The following HIVEP3 variants were observed in gnomAD, a reference collection of about 807,000 sequenced individuals.
HIVEP3 encodes HIVEP zinc finger 3.
In HIVEP3, 49 loss-of-function variants were observed where a neutral mutation model predicts 152.8. That is an observed-to-expected ratio of 0.32 (90% CI 0.26 to 0.41). The LOEUF (loss-of-function observed/expected upper bound fraction) is 0.41. HIVEP3 is among the 10% of genes least tolerant of loss of function. The probability of loss-of-function intolerance (pLI) is 1.00; values close to 1 mark genes in which losing one functional copy is unlikely to be tolerated. For synonymous variants in HIVEP3, 1,269 were observed against 1,289.0 expected (o/e 0.98, Z 0.33); for missense variants, 2,790 against 3,103.3 (o/e 0.90, Z 2.40).
chr1:41,715,159 G>T (rs1051070356), intron 1 of HIVEP3, among the ~76,000 whole-genome samples: 2 of 152,216 alleles, frequency 1.3e-5, no homozygotes, highest in African/African-American at 4.8e-5. Flanking sequence ...CTCTCAAACA[G>T]ATGGCCCCCA....
intron 1 of HIVEP3, among the ~76,000 whole-genome samples, chr1:41,876,508 A>G (rs1401461561): frequency 2.0e-5 from 3 of 152,212 alleles, no homozygotes; most frequent in Non-Finnish European, 4.4e-5. Flanking sequence ...TTGTAAAGTT[A>G]ATAAAACAGT....
intron 1 of HIVEP3, among the ~76,000 whole-genome samples, chr1:41,927,345 G>C (rs1644973171): frequency 1.3e-5 from 2 of 152,256 alleles, no homozygotes; most frequent in South Asian, 4.1e-4. Flanking sequence ...TGTGTTTTGG[G>C]GGTGGGGTGG....
At chr1:41,605,373 GCGCACACA>G (rs1251350346) in intron 3 of HIVEP3, among the ~76,000 whole-genome samples, 33 of 106,800 alleles carry the variant, frequency 3.1e-4, no homozygotes, top group Admixed American at 1.1e-3. Flanking sequence ...ACACGCACAC[GCGCACACA>G]CACACACACA....
chr1:41,586,214 G>T (rs922363946), intron 3 of HIVEP3, among the ~76,000 whole-genome samples: 1 of 152,188 alleles, frequency 6.6e-6, no homozygotes, highest in African/African-American at 2.4e-5. Context: ...CCCCAAGTGT[G>T]TGCCTCCTCC....
At chr1:41,609,348 C>G (rs932281463) in intron 3 of HIVEP3, among the ~76,000 whole-genome samples, 1 of 152,252 alleles carries the variant, frequency 6.6e-6, no homozygotes, top group Non-Finnish European at 1.5e-5. Context: ...AGGGTAGGAA[C>G]AGCCAGCCCT....
At chr1:42,027,770 G>C in intron 1 of HIVEP3, among the ~76,000 whole-genome samples, 1 of 152,166 alleles carries the variant, frequency 6.6e-6, no homozygotes, top group Non-Finnish European at 1.5e-5. Context: ...CTTCTTACAT[G>C]GCGGTGGCAA....
chr1:41,530,090 C>T (rs1041488836), intron 5 of HIVEP3, among the ~76,000 whole-genome samples: 1 of 152,128 alleles, frequency 6.6e-6, no homozygotes, highest in Non-Finnish European at 1.5e-5. Context: ...TGCTGTCCAC[C>T]AGTACAGGTG....
intron 2 of HIVEP3, among the ~76,000 whole-genome samples, chr1:41,657,321 C>T (rs1645643379): frequency 6.6e-6 from 1 of 152,192 alleles, no homozygotes; most frequent in African/African-American, 2.4e-5. Flanking sequence ...TCTCTGAGCC[C>T]ATCGATGTCA....
intron 1 of HIVEP3, among the ~76,000 whole-genome samples, chr1:41,895,370 T>C (rs1644510978): frequency 1.3e-5 from 2 of 152,250 alleles, no homozygotes; most frequent in Non-Finnish European, 2.9e-5. Flanking sequence ...TTCCACCCAT[T>C]TTAGTAGACT....
At chr1:41,548,720 AAG>A (rs1319581029) in intron 5 of HIVEP3, among the ~76,000 whole-genome samples, 1 of 151,746 alleles carries the variant, frequency 6.6e-6, no homozygotes, top group Non-Finnish European at 1.5e-5. Context: ...ATTTTTAGTA[AAG>A]ACGGGGTTTT....
intron 1 of HIVEP3, among the ~76,000 whole-genome samples, chr1:41,879,362 A>T (rs1644225338): frequency 6.6e-6 from 1 of 152,216 alleles, no homozygotes. Context: ...GAGATGCTCA[A>T]TCCCTATAAG....
intron 3 of HIVEP3, among the ~76,000 whole-genome samples, chr1:41,587,895 C>T (rs1644529410): frequency 1.3e-5 from 2 of 152,180 alleles, no homozygotes; most frequent in Non-Finnish European, 2.9e-5. Flanking sequence ...TATGGAAGCA[C>T]CGGCATGGCC....
chr1:41,951,628 C>T (rs1291889128), intron 1 of HIVEP3, among the ~76,000 whole-genome samples: 1 of 152,172 alleles, frequency 6.6e-6, no homozygotes, highest in Non-Finnish European at 1.5e-5. Context: ...AAAAGAGTTT[C>T]AATTGACTCG....
At chr1:41,922,319 G>T (rs12086766), upstream of HIVEP3, among the ~76,000 whole-genome samples, 8,006 of 152,178 alleles carry the variant, frequency 0.053, 655 homozygotes, top group African/African-American at 0.18. Context: ...AAAGACACTG[G>T]TATAATTTCT....
intron 1 of HIVEP3, among the ~76,000 whole-genome samples, chr1:41,895,712 C>G (rs1226432891): frequency 6.6e-6 from 1 of 152,150 alleles, no homozygotes; most frequent in Non-Finnish European, 1.5e-5. Context: ...GGAGGAGGGC[C>G]TTCTGAGGCA....
At chr1:41,549,707 T>A (rs1643875504) in intron 5 of HIVEP3, among the ~76,000 whole-genome samples, 2 of 152,254 alleles carry the variant, frequency 1.3e-5, no homozygotes, top group Non-Finnish European at 2.9e-5. Flanking sequence ...GTTTGCCCAC[T>A]TTTTGATGGG....
chr1:41,845,419 GCACA>G (rs3032007), intron 1 of HIVEP3, among the ~76,000 whole-genome samples: 26,358 of 135,950 alleles, frequency 0.19, 2,530 homozygotes, highest in Admixed American at 0.22. Context: ...ACACACACAC[GCACA>G]CACACACACA....
At chr1:41,898,510 C>G (rs973950790) in intron 1 of HIVEP3, among the ~76,000 whole-genome samples, 4 of 152,226 alleles carry the variant, frequency 2.6e-5, no homozygotes, top group African/African-American at 9.6e-5. Flanking sequence ...CCTCCCTGTC[C>G]TGGCTCAGGC....
intron 1 of HIVEP3, among the ~76,000 whole-genome samples, chr1:42,005,902 T>A (rs1645456766): frequency 6.6e-6 from 1 of 152,230 alleles, no homozygotes; most frequent in Non-Finnish European, 1.5e-5. Flanking sequence ...TAATCTCTTC[T>A]TGGCTGGTTC....
Sources: allele counts gnomAD v4.1 joint callset (sites outside exome capture counted in the v4.1 genomes callset), GRCh38; gene constraint gnomAD v4.1.1; transcripts MANE v1.5; gene names NCBI Gene and HGNC (gene_info 2026-07-23, HGNC 2026-07-21).